Variants in IFT74 observed in about 807,000 individuals in gnomAD.
The protein encoded by IFT74 is intraflagellar transport 74, also known as intraflagellar transport protein 74 homolog.
In IFT74, 92 loss-of-function variants were observed where a neutral mutation model predicts 96.7. The observed-to-expected ratio is 0.95, with a 90% CI of 0.80 to 1.13. The LOEUF is 1.13. Among genes scored for constraint, IFT74 ranks in the 50% most tolerant of loss-of-function variants. The pLI, the probability that IFT74 is intolerant of heterozygous loss-of-function variation, is 0.00. For synonymous variants in IFT74, 223 were observed against 213.2 expected, an observed-to-expected ratio of 1.05 and a Z score of -0.40; for missense variants, 811 against 698.2, an observed-to-expected ratio of 1.16 and a Z score of -1.82.
chr9:27,060,911 G>A (rs181159381), intron 19 of IFT74: 2,396 of 174,982 alleles, frequency 0.014, 27 homozygotes, highest in Non-Finnish European at 0.02. Context: ...TCAGTGAGCC[G>A]AGATGGCACC....
At chr9:27,015,221 T>A (rs919118104) in intron 10 of IFT74, among the ~76,000 whole-genome samples, 9 of 152,266 alleles carry the variant, frequency 5.9e-5, no homozygotes, top group South Asian at 2.1e-4. Context: ...TGGCTTTTTT[T>A]AATCTTATCT....
intron 13 of IFT74, among the ~76,000 whole-genome samples, chr9:27,040,246 C>G (rs558438840): frequency 3.9e-4 from 60 of 152,172 alleles, no homozygotes; most frequent in East Asian, 1.2e-3. Flanking sequence ...GGGATAGAAA[C>G]CATGCCATAT....
In IFT74 at chr9:27,062,599, C is replaced by T. The variant is rs1393327736; in HGVS notation, c.1685-19C>T. The stretch of plus-strand genomic sequence containing the variant: ...AGATTTTTATTGACATTGTTTTCCC[C>T]CTTAACTCATGTAATTAGTCATAGC... On this transcript the variant is annotated intron_variant, in intron 19 of 19. Coordinates refer to ENST00000380062, the MANE Select transcript of IFT74 (RefSeq NM_025103.4). 3 of 1,308,852 alleles carry T rather than the reference C, an allele frequency of 2.3e-6. No individual in the cohort carries two copies. The highest frequency in any genetic ancestry group is 1.5e-5 in the African/African-American group (1 of 68,178). 81.1% of individuals were successfully genotyped at this position (1,308,852 alleles called of 1,614,324 possible). A position where few individuals can be genotyped will look rare whatever the true frequency, so the allele number is the denominator to read the frequency against.
chr9:26,968,484 A>C (rs990800851), intron 2 of IFT74, among the ~76,000 whole-genome samples: 2 of 151,342 alleles, frequency 1.3e-5, no homozygotes, highest in African/African-American at 4.9e-5. Flanking sequence ...CTAGTCTTGA[A>C]CTCCTGACCT....
intron 16 of IFT74, among the ~76,000 whole-genome samples, chr9:27,051,739 G>A (rs1819930904): frequency 6.6e-6 from 1 of 152,134 alleles, no homozygotes; most frequent in South Asian, 2.1e-4. Context: ...CATCCATGTT[G>A]TAGCAAAGAA....
At chr9:27,054,159 A>G (rs891561948) in intron 16 of IFT74, among the ~76,000 whole-genome samples, 2 of 152,176 alleles carry the variant, frequency 1.3e-5, no homozygotes, top group Non-Finnish European at 2.9e-5. Flanking sequence ...CTTTCGAAGC[A>G]TTGTTTTTTA....
intron 13 of IFT74, among the ~76,000 whole-genome samples, chr9:27,038,570 G>T (rs923668452): frequency 6.6e-6 from 1 of 152,066 alleles, no homozygotes; most frequent in African/African-American, 2.4e-5. Context: ...AGCCCACCGC[G>T]CCCGGCCCAG....
intron 8 of IFT74, among the ~76,000 whole-genome samples, chr9:26,998,587 T>C (rs1326371602): frequency 6.6e-6 from 1 of 152,214 alleles, no homozygotes; most frequent in Non-Finnish European, 1.5e-5. Context: ...TAACATTTAA[T>C]ATTCCAGTGT....
At chr9:27,033,945 C>T (rs1340499457) in intron 13 of IFT74, among the ~76,000 whole-genome samples, 2 of 152,090 alleles carry the variant, frequency 1.3e-5, no homozygotes, top group Non-Finnish European at 2.9e-5. Context: ...AGATAAGGTA[C>T]ACATCACTGA....
intron 13 of IFT74, among the ~76,000 whole-genome samples, chr9:27,044,036 A>G (rs891144820): frequency 6.6e-6 from 1 of 152,138 alleles, no homozygotes; most frequent in Non-Finnish European, 1.5e-5. Context: ...TTTAACATGG[A>G]TCTTATAAGG....
chr9:27,033,802 T>TATTATTTA (rs1239602692), intron 13 of IFT74, among the ~76,000 whole-genome samples: 1 of 152,188 alleles, frequency 6.6e-6, no homozygotes, highest in Non-Finnish European at 1.5e-5. Context: ...TTGAATGGAA[T>TATTATTTA]ATTATTTATA....
intron 10 of IFT74, among the ~76,000 whole-genome samples, chr9:27,012,717 T>G (rs1249042060): frequency 9.5e-5 from 13 of 136,798 alleles, no homozygotes; most frequent in African/African-American, 3.1e-4. Flanking sequence ...TGTTTTTTTT[T>G]TTTTTTTTTT....
chr9:27,049,521 C>T (rs971202154), intron 16 of IFT74, among the ~76,000 whole-genome samples: 8 of 152,088 alleles, frequency 5.3e-5, no homozygotes, highest in Non-Finnish European at 1.0e-4. Context: ...ATCATTTGTG[C>T]TGAGAGTGGA....
In IFT74 at chr9:26,956,509, C is replaced by T. The variant is rs1221777702; in HGVS notation, c.-27C>T. Reference sequence around the variant, plus strand: ...CCGGGCAACTGCCCTCCTTCCGCGCCGGCGGAGGTGAGAATCCCCGGGTCC... The same window carrying T: ...CCGGGCAACTGCCCTCCTTCCGCGCTGGCGGAGGTGAGAATCCCCGGGTCC... On this transcript the variant is annotated 5_prime_UTR_variant, in exon 1 of 20. Coordinates refer to ENST00000380062, the MANE Select transcript of IFT74 (RefSeq NM_025103.4). The T allele has an allele frequency of 2.0e-5, 3 of 152,490 alleles. No homozygotes were observed. The highest frequency in any genetic ancestry group is 7.2e-5 in the African/African-American group (3 of 41,600). 9.4% of individuals were successfully genotyped at this position (152,490 alleles called of 1,614,324 possible). A position where few individuals can be genotyped will look rare whatever the true frequency, so the allele number is the denominator to read the frequency against.
intron 12 of IFT74, among the ~76,000 whole-genome samples, chr9:27,022,220 T>A (rs577071426): frequency 6.6e-6 from 1 of 152,352 alleles, no homozygotes; most frequent in African/African-American, 2.4e-5. Context: ...CAATACTGTT[T>A]TGGTGACCTC....
At chr9:27,061,465 G>A (rs531420963) in intron 19 of IFT74, among the ~76,000 whole-genome samples, 13 of 151,996 alleles carry the variant, frequency 8.6e-5, no homozygotes, top group Admixed American at 8.5e-4. Context: ...CTTTTGTTTA[G>A]AGACAGGGGT....
In IFT74 at chr9:27,002,830, G is replaced by A. The variant is rs75058784; in HGVS notation, c.588-6190G>A. On this transcript the variant is annotated intron_variant, in intron 8 of 19. Transcript: ENST00000380062. ...TTTTTTTTCTACTTCTATGAAGAGC[G>A]TCACTGTATTTTGATAGGAATTGCA... Among the ~76,000 whole-genome samples, 1,441 of 152,168 alleles carry A rather than the reference G, an allele frequency of 9.5e-3. 22 individuals are homozygous for A. The highest frequency in any genetic ancestry group is 0.029 in the African/African-American group (1,217 of 41,510).
intron 12 of IFT74, among the ~76,000 whole-genome samples, chr9:27,021,122 G>A (rs1829578715): frequency 6.6e-6 from 1 of 152,106 alleles, no homozygotes; most frequent in East Asian, 1.9e-4. Flanking sequence ...TTATGGCTGA[G>A]TAGAATAAAC....
At chr9:27,054,854 T>G (rs546139111) in intron 16 of IFT74, among the ~76,000 whole-genome samples, 11 of 152,332 alleles carry the variant, frequency 7.2e-5, no homozygotes, top group Admixed American at 7.2e-4. Flanking sequence ...TTGGTGATCA[T>G]GCCATTTAAA....
Sources: gnomAD v4.1 joint callset for allele counts (sites outside exome capture counted in the v4.1 genomes callset) on GRCh38, gnomAD v4.1.1 for gene constraint, MANE v1.5 for transcripts, NCBI Gene and HGNC (gene_info 2026-07-23, HGNC 2026-07-21) for gene names.